Variants in MKLN1 observed in about 807,000 individuals in gnomAD.
MKLN1 encodes muskelin 1, also known as muskelin.
Under a neutral mutation model 99.0 loss-of-function variants are expected in MKLN1, and 18 were observed. The ratio of observed to expected loss-of-function variants is 0.18; its 90% CI spans 0.13 to 0.27. MKLN1 has a LOEUF of 0.27. MKLN1 is among the 10% of genes least tolerant of loss of function. The pLI, the probability that MKLN1 is intolerant of heterozygous loss-of-function variation, is 1.00. For synonymous variants in MKLN1, 288 were observed against 293.2 expected, an observed-to-expected ratio of 0.98 and a Z score of 0.18; for missense variants, 621 against 875.9, an observed-to-expected ratio of 0.71 and a Z score of 3.67.
chr7:131,323,073 A>G (rs1397394976), upstream of MKLN1, among the ~76,000 whole-genome samples: 1 of 152,176 alleles, frequency 6.6e-6, no homozygotes, highest in Non-Finnish European at 1.5e-5. Flanking sequence ...CCTGGTGAGA[A>G]AAAATTTTGT....
intron 1 of MKLN1, among the ~76,000 whole-genome samples, chr7:131,120,252 G>A (rs192353524): frequency 8.6e-5 from 13 of 151,122 alleles, no homozygotes; most frequent in Non-Finnish European, 1.8e-4. Flanking sequence ...CAGGCCAGTT[G>A]CAATGGCTCA....
chr7:131,127,268 G>A (rs1795478812), intron 1 of MKLN1, among the ~76,000 whole-genome samples: 1 of 152,280 alleles, frequency 6.6e-6, no homozygotes, highest in East Asian at 1.9e-4. Flanking sequence ...GGGTCTACTT[G>A]GGATCTTGGA....
intron 8 of MKLN1, among the ~76,000 whole-genome samples, chr7:131,416,629 G>C (rs1795023775): frequency 6.6e-6 from 1 of 151,522 alleles, no homozygotes; most frequent in Admixed American, 6.6e-5. Context: ...TATGCATTAG[G>C]GGTAGGATTT....
At chr7:131,227,473 TTC>T (rs1284436982) in intron 3 of MKLN1, among the ~76,000 whole-genome samples, 2 of 143,224 alleles carry the variant, frequency 1.4e-5, no homozygotes, top group African/African-American at 5.1e-5. Flanking sequence ...CTTTCTTTCT[TTC>T]TCTCTTTCTC....
intron 12 of MKLN1, among the ~76,000 whole-genome samples, chr7:131,447,843 T>C (rs895049422): frequency 6.6e-6 from 1 of 152,168 alleles, no homozygotes; most frequent in East Asian, 1.9e-4. Context: ...ATGAAAACAG[T>C]TACACAACTA....
chr7:131,143,466 A>G (rs994058181), intron 2 of MKLN1, among the ~76,000 whole-genome samples: 47 of 152,002 alleles, frequency 3.1e-4, no homozygotes, highest in African/African-American at 1.0e-3. Context: ...ACTCCATCTC[A>G]AAAAAAAGAA....
At chr7:131,374,667 C>T (rs1793584099) in intron 1 of MKLN1, among the ~76,000 whole-genome samples, 1 of 152,116 alleles carries the variant, frequency 6.6e-6, no homozygotes, top group East Asian at 1.9e-4. Flanking sequence ...CTTACAGTTT[C>T]CAGTGAAAAA....
chr7:131,351,878 A>G (rs1799730259), intron 1 of MKLN1, among the ~76,000 whole-genome samples: 1 of 152,210 alleles, frequency 6.6e-6, no homozygotes, highest in African/African-American at 2.4e-5. Context: ...TTGTTAGAAT[A>G]AACTATTTCA....
chr7:131,436,897 A>G (rs1384570909), intron 9 of MKLN1, among the ~76,000 whole-genome samples: 2 of 152,088 alleles, frequency 1.3e-5, no homozygotes, highest in African/African-American at 4.8e-5. Context: ...TGTGCTATTT[A>G]TTCAATCAGG....
At chr7:131,197,247 A>C (rs1796660627) in intron 2 of MKLN1, among the ~76,000 whole-genome samples, 1 of 152,040 alleles carries the variant, frequency 6.6e-6, no homozygotes, top group Non-Finnish European at 1.5e-5. Flanking sequence ...TTTGTTGCCC[A>C]GGCTGAAGTG....
intron 3 of MKLN1, among the ~76,000 whole-genome samples, chr7:131,239,005 C>T (rs1010358545): frequency 6.6e-6 from 1 of 152,130 alleles, no homozygotes; most frequent in African/African-American, 2.4e-5. Context: ...GAGCTGTTTT[C>T]CTAGCAAAAA....
intron 8 of MKLN1, among the ~76,000 whole-genome samples, chr7:131,419,232 A>G (rs1481397723): frequency 7.1e-6 from 1 of 141,590 alleles, no homozygotes; most frequent in Non-Finnish European, 1.5e-5. Flanking sequence ...ATATATGTAT[A>G]TATATATATA....
chr7:131,346,658 G>T (rs111304269), intron 1 of MKLN1, among the ~76,000 whole-genome samples: 2 of 152,152 alleles, frequency 1.3e-5, no homozygotes, highest in Admixed American at 6.5e-5. Context: ...AATTTAGAGG[G>T]TACTTGAGCA....
chr7:131,140,615 G>C (rs61401792), intron 1 of MKLN1, among the ~76,000 whole-genome samples: 8,690 of 152,156 alleles, frequency 0.057, 324 homozygotes, highest in East Asian at 0.23. Flanking sequence ...ACCTTCTGCC[G>C]TGAGTAAAAG....
At chr7:131,276,197 T>G (rs1221033610) in intron 3 of MKLN1, among the ~76,000 whole-genome samples, 1 of 152,182 alleles carries the variant, frequency 6.6e-6, no homozygotes, top group Non-Finnish European at 1.5e-5. Flanking sequence ...ATTCTGGGCC[T>G]GTTGCTTTGG....
chr7:131,200,677 T>C (rs574390987), intron 2 of MKLN1, among the ~76,000 whole-genome samples: 1 of 152,256 alleles, frequency 6.6e-6, no homozygotes, highest in Non-Finnish European at 1.5e-5. Context: ...AGATTTTCCA[T>C]GCAATGGCTC....
chr7:131,339,047 A>G (rs1377288073), intron 1 of MKLN1, among the ~76,000 whole-genome samples: 2 of 152,204 alleles, frequency 1.3e-5, no homozygotes, highest in Non-Finnish European at 2.9e-5. Context: ...AGCTTATTGT[A>G]AGAATATAGT....
intron 8 of MKLN1, among the ~76,000 whole-genome samples, chr7:131,416,397 A>C (rs1795015333): frequency 6.6e-6 from 1 of 152,170 alleles, no homozygotes; most frequent in African/African-American, 2.4e-5. Flanking sequence ...AAAATTATTC[A>C]AAGAATAGGC....
intron 3 of MKLN1, among the ~76,000 whole-genome samples, chr7:131,269,893 A>AATTTT (rs1051484732): frequency 2.4e-4 from 36 of 151,956 alleles, no homozygotes; most frequent in African/African-American, 8.4e-4. Flanking sequence ...TATGGAGGTA[A>AATTTT]CTTTTCTTTT....
Sources: gnomAD v4.1 joint callset for allele counts (sites outside exome capture counted in the v4.1 genomes callset) on GRCh38, gnomAD v4.1.1 for gene constraint, MANE v1.5 for transcripts, NCBI Gene and HGNC (gene_info 2026-07-23, HGNC 2026-07-21) for gene names.